The following NIBAN2 variants were observed in gnomAD, a reference collection of about 807,000 sequenced individuals.
The protein encoded by NIBAN2 is protein Niban 2.
NIBAN2 carries 36 observed loss-of-function variants against 81.8 expected under a neutral mutation model. The observed-to-expected ratio is 0.44, with a 90% CI of 0.34 to 0.58. The LOEUF is 0.58. Ranked by LOEUF, NIBAN2 falls within the 20% of genes least tolerant of loss-of-function variation. The pLI is 0.02. For synonymous variants in NIBAN2, 445 were observed against 441.6 expected (o/e 1.01, Z -0.10); for missense variants, 897 against 1,014.1 (o/e 0.88, Z 1.57).
chr9:127,571,600 G>C (rs573297444), upstream of NIBAN2, among the ~76,000 whole-genome samples: 2 of 152,288 alleles, frequency 1.3e-5, no homozygotes, highest in Middle Eastern at 3.4e-3. Flanking sequence ...GAAGGCTGAG[G>C]CAGAAGAATC....
Position 127,577,891 on chromosome 9 carries a change from A to G in NIBAN2, c.16+1031T>C, listed in dbSNP as rs545540619. Among the ~76,000 whole-genome samples, 3 of 151,974 alleles carry G rather than the reference A, an allele frequency of 2.0e-5. No individual in the cohort carries two copies. In the East Asian group the frequency reaches 5.8e-4, roughly 29 times the overall value. Reference sequence around the variant, plus strand: ...CCACTACACCTGGCTTTAATTTTTTAATTAAAAAAAAATGTTGGGCCAGTC... The same window carrying G: ...CCACTACACCTGGCTTTAATTTTTTGATTAAAAAAAAATGTTGGGCCAGTC... On this transcript the variant is annotated intron_variant, in intron 1 of 13. Transcript: ENST00000373314.
chr9:127,512,405 C>A (rs1245521224), intron 8 of NIBAN2, among the ~76,000 whole-genome samples: 2 of 151,836 alleles, frequency 1.3e-5, no homozygotes, highest in African/African-American at 4.8e-5. Context: ...CATGCCTCAG[C>A]CTCCTAGAGC....
At chr9:127,524,530 C>T (rs1280504118) in intron 4 of NIBAN2, among the ~76,000 whole-genome samples, 1 of 152,090 alleles carries the variant, frequency 6.6e-6, no homozygotes, top group Non-Finnish European at 1.5e-5. Flanking sequence ...GGTGACTCGC[C>T]CAAGCAGACA....
Position 127,508,250 on chromosome 9 carries a change from G to T in NIBAN2, c.1435-50C>A. 1 of 1,493,512 alleles carries T rather than the reference G, an allele frequency of 6.7e-7. No homozygotes were observed. The allele number at this position is 1,493,512 out of a possible 1,614,324, so 92.5% of individuals were successfully genotyped here. The stretch of plus-strand genomic sequence containing the variant: ...GTCTGCAGGTCAGTGGGCTCCATTG[G>T]CCCTGAGGGTAGGACGAGGCCAGTG... On this transcript the variant is annotated intron_variant, in intron 11 of 13. Transcript: ENST00000373312. The surrounding 1 kb of genome is among the most constrained non-coding windows in gnomAD (Gnocchi z 6.4).
chr9:127,577,587 A>G (rs1838024736), intron 1 of NIBAN2, among the ~76,000 whole-genome samples: 1 of 146,482 alleles, frequency 6.8e-6, no homozygotes, highest in Admixed American at 6.8e-5. Context: ...TCCAGATCCA[A>G]TACCCCACGC....
At chr9:127,514,962 G>A (rs960638386) in intron 8 of NIBAN2, among the ~76,000 whole-genome samples, 6 of 152,030 alleles carry the variant, frequency 3.9e-5, no homozygotes, top group African/African-American at 1.4e-4. Context: ...CCAGGAGTTC[G>A]AGACCAGCCT....
Position 127,508,698 on chromosome 9 carries a change from G to A in NIBAN2, c.1318-160C>T, listed in dbSNP as rs1181301080. 6.6e-6 allele frequency among the ~76,000 whole-genome samples: 1 copy of A among 152,104 alleles called. No individual in the cohort carries two copies. Among genetic ancestry groups the A allele is most frequent in the Non-Finnish European group, 1.5e-5 (1 of 68,016 alleles). On this transcript the variant is annotated intron_variant, in intron 10 of 13. Coordinates refer to ENST00000373312, the MANE Select transcript of NIBAN2 (RefSeq NM_022833.4). The surrounding 1 kb of genome is among the most constrained non-coding windows in gnomAD (Gnocchi z 6.4). Reference sequence around the variant, plus strand: ...CCCACTCACAGCTCTGCACGCTGGAGCAAGTCCCTGCCTCAAGGCAACAGG... The same window carrying A: ...CCCACTCACAGCTCTGCACGCTGGAACAAGTCCCTGCCTCAAGGCAACAGG...
intron 5 of NIBAN2, among the ~76,000 whole-genome samples, chr9:127,520,711 C>A (rs1010972459): frequency 6.6e-6 from 1 of 151,994 alleles, no homozygotes; most frequent in Non-Finnish European, 1.5e-5. Context: ...ATCAGGAGAT[C>A]AAGACCATTC....
At position 127,536,398 on chromosome 9, in the gene NIBAN2, C is replaced by A. The variant is rs572067016; in HGVS notation, c.56-4620G>T. On this transcript the variant is annotated intron_variant, in intron 1 of 13. Coordinates refer to ENST00000373312, the MANE Select transcript of NIBAN2 (RefSeq NM_022833.4). The surrounding 1 kb of genome is among the most constrained non-coding windows in gnomAD (Gnocchi z 4.0). ...CCCAGCCTGGCCACCGCCTTACCTG[C>A]TGAGCTCTGGGGCTGCAGTCCAGGC... Among the ~76,000 whole-genome samples the A allele has an allele frequency of 1.9e-4, 29 of 152,332 alleles. No individual in the cohort carries two copies. The highest frequency in any genetic ancestry group is 7.0e-4 in the African/African-American group (29 of 41,572).
chr9:127,575,080 G>C (rs1040105568), intron 1 of NIBAN2, among the ~76,000 whole-genome samples: 1 of 152,150 alleles, frequency 6.6e-6, no homozygotes, highest in Non-Finnish European at 1.5e-5. Context: ...GGCTTCCACT[G>C]TCCTGGAGAG....
At chr9:127,571,027 A>G (rs1043539793), upstream of NIBAN2, among the ~76,000 whole-genome samples, 5 of 152,244 alleles carry the variant, frequency 3.3e-5, no homozygotes, top group African/African-American at 1.2e-4. Flanking sequence ...TCATAGCCCA[A>G]ACTGCAGGGT....
At chr9:127,523,242 TATATATATATAA>T (rs1212450290) in intron 5 of NIBAN2, among the ~76,000 whole-genome samples, 1 of 44,332 alleles carries the variant, frequency 2.3e-5, no homozygotes, top group East Asian at 8.4e-4. Context: ...TATATATATA[TATATATATATAA>T]AATTAAAAAA....
intron 1 of NIBAN2, among the ~76,000 whole-genome samples, chr9:127,578,016 C>T (rs1292060357): frequency 6.6e-6 from 1 of 150,918 alleles, no homozygotes; most frequent in Non-Finnish European, 1.5e-5. Flanking sequence ...CAGTGAAACC[C>T]TGTCTCTACT....
chr9:127,578,947 T>C (rs765277529), exon 1 of NIBAN2: 1 of 1,608,768 alleles, frequency 6.2e-7, no homozygotes, highest in South Asian at 1.1e-5. Flanking sequence ...TCCTCCAGAG[T>C]GAGAGCCCCA....
chr9:127,521,180 C>T (rs1444861669), intron 5 of NIBAN2, among the ~76,000 whole-genome samples: 3 of 152,186 alleles, frequency 2.0e-5, no homozygotes, highest in African/African-American at 7.2e-5. Flanking sequence ...CACATCAGCT[C>T]GTTGAATCCT....
At position 127,527,242 on chromosome 9, in the gene NIBAN2, G is replaced by A; in HGVS notation, c.267C>T (p.Phe89=). Residue 89 remains phenylalanine (F), a synonymous_variant, in exon 3 of 14, where the codon TTC becomes TTT. Transcript: ENST00000373312. The stretch of plus-strand genomic sequence containing the variant: ...GCCCGTAGTTGTGGGGCACGAGGCT[G>A]AAGCGGTTTCTCCACTTCTTGCTGT... ...QEDSKKWRNR[F]SLVPHNYGLV... is the part of the protein sequence containing the mutation. The A allele has an allele frequency of 1.2e-6, 2 of 1,614,048 alleles. No individual in the cohort carries two copies. The highest frequency in any genetic ancestry group is 8.5e-7 in the Non-Finnish European group (1 of 1,180,014).
chr9:127,531,601 T>A, intron 2 of NIBAN2, 47 bp downstream of exon 2: 1 of 1,585,914 alleles, frequency 6.3e-7, no homozygotes, highest in Non-Finnish European at 8.6e-7. Flanking sequence ...CGAGGCCACA[T>A]GGCGAGAAGT....
chr9:127,561,847 C>T (rs1564319738), intron 1 of NIBAN2, among the ~76,000 whole-genome samples: 1 of 152,256 alleles, frequency 6.6e-6, no homozygotes. Context: ...TCCACCCTCA[C>T]GGGTTTTAAA....
rs780246456 is a variant in NIBAN2 at position 127,531,682 on chromosome 9, G to A, written c.152C>T (p.Thr51Met). The change falls in exon 2 of 14, where the codon ACG (threonine) becomes ATG (methionine). Residue 51 changes from threonine to methionine, a missense_variant. By Grantham distance (81) the Thr-to-Met change is moderately conservative. This residue lies in a region of NIBAN2 where 209 missense variants were observed against 208.4 expected (regional missense o/e 1.00). Transcript: ENST00000373312. ...GAGCAGCTGGGCCTGCGGCAGCCCC[G>A]TGCCCTCAATCTCATGGCGCATGCT... ...FNSMRHEIEG[T>M]GLPQAQLLWR... 5.0e-6 allele frequency: 8 copies of A among 1,613,534 alleles called. No individual in the cohort carries two copies. Among genetic ancestry groups the A allele is most frequent in the South Asian group, 2.2e-5 (2 of 91,080 alleles).
Sources: gnomAD v4.1 joint callset for allele counts (sites outside exome capture counted in the v4.1 genomes callset) on GRCh38, gnomAD v4.1.1 for gene constraint, gnomAD v4.1.1 regional missense constraint, Gnocchi (gnomAD v3.1) non-coding constraint, MANE v1.5 for transcripts, NCBI Gene and HGNC (gene_info 2026-07-23, HGNC 2026-07-21) for gene names.